The following FTSJ3 variants were observed in gnomAD, a reference collection of about 807,000 sequenced individuals.
The protein encoded by FTSJ3 is pre-rRNA 2'-O-ribose RNA methyltransferase FTSJ3.
A neutral mutation model predicts 111.5 loss-of-function variants in FTSJ3; 46 were observed. That is an observed-to-expected ratio of 0.41 (90% CI 0.33 to 0.53). FTSJ3 has a LOEUF of 0.53. Ranked by LOEUF, FTSJ3 falls within the 20% of genes least tolerant of loss-of-function variation. The pLI, the probability that FTSJ3 is intolerant of heterozygous loss-of-function variation, is 0.19. For missense variants in FTSJ3, 1,075 were observed against 1,063.8 expected (o/e 1.01, Z -0.15); for synonymous variants, 408 against 383.0 (o/e 1.07, Z -0.76).
chr17:63,827,465 C>G lies in FTSJ3; in HGVS notation c.-440G>C. On this transcript the variant is annotated 5_prime_UTR_variant, in exon 1 of 21. Coordinates refer to ENST00000427159, the MANE Select transcript of FTSJ3 (RefSeq NM_017647.4). ...CTTGCGCGCCAAGACGGCTCGGATG[C>G]CGGCGGTCTCTGCTGAAGAGAGAAG... 1 of 1,551,744 alleles carries G rather than the reference C, an allele frequency of 6.4e-7. No individual in the cohort carries two copies. Among genetic ancestry groups the G allele is most frequent in the East Asian group, 2.4e-5 (1 of 40,918 alleles).
In FTSJ3 at chr17:63,826,641, G is replaced by C. The variant is rs761636452; in HGVS notation, c.99C>G (p.Ile33Met). The C allele has an allele frequency of 1.2e-6, 2 of 1,613,976 alleles. No individual in the cohort carries two copies. Among genetic ancestry groups the C allele is most frequent in the East Asian group, 2.2e-5 (1 of 44,906 alleles). Residue 33 changes from isoleucine (I) to methionine (M), a missense_variant, in exon 3 of 21, where the codon ATC becomes ATG. By Grantham distance (10) the Ile-to-Met change is conservative. Coordinates refer to ENST00000427159, the MANE Select transcript of FTSJ3 (RefSeq NM_017647.4). ...GGAACTGAAAGCGGCGATTGAGCTG[G>C]ATCAGCTTGAAAGCAGATCGGGAAC... ...GYRSRSAFKL[I>M]QLNRRFQFLQ...
chr17:63,824,305 C>T (rs1404266994), intron 11 of FTSJ3, 26 bp downstream of exon 11: 1 of 1,614,130 alleles, frequency 6.2e-7, no homozygotes, highest in Non-Finnish European at 8.5e-7. Context: ...CCAGTCCACA[C>T]CTGCCTCGCT....
Position 63,827,455 on chromosome 17 carries a change from G to C in FTSJ3, c.-430C>G, listed in dbSNP as rs1002537783. 4.5e-6 allele frequency: 7 copies of C among 1,551,634 alleles called. No homozygotes were observed. The highest frequency in any genetic ancestry group is 6.1e-6 in the Non-Finnish European group (7 of 1,147,014). On this transcript the variant is annotated 5_prime_UTR_variant, in exon 1 of 21. Transcript: ENST00000427159. ...CGCTTCCGCGCTTGCGCGCCAAGAC[G>C]GCTCGGATGCCGGCGGTCTCTGCTG...
intron 2 of FTSJ3, 50 bp downstream of exon 2, chr17:63,826,786 C>A: frequency 6.3e-7 from 1 of 1,595,912 alleles, no homozygotes; most frequent in South Asian, 1.1e-5. Flanking sequence ...AGCAGGCGAA[C>A]CGGGCAGAGA....
At position 63,824,144 on chromosome 17, in the gene FTSJ3, T is replaced by C. The variant is rs1226772416; in HGVS notation, c.1094A>G (p.Glu365Gly). Residue 365 changes from glutamate to glycine, a missense_variant, in exon 12 of 21, where the codon GAG becomes GGG. Glu to Gly is a moderately conservative substitution (Grantham distance 98, BLOSUM62 -2). Transcript: ENST00000427159. ...PSKEEEEEEE[E>G]EQLNQTLAEM... ...TGCCAAGGTCTGGTTCAGTTGTTCC[T>C]CCTCCTCCTCTTCCTCCTCCTCCTT... The C allele has an allele frequency of 6.2e-7, 1 of 1,613,862 alleles. No individual in the cohort carries two copies. The highest frequency in any genetic ancestry group is 8.5e-7 in the Non-Finnish European group (1 of 1,179,930).
intron 13 of FTSJ3, among the ~76,000 whole-genome samples, chr17:63,823,333 C>A (rs909997898): frequency 1.3e-5 from 2 of 152,208 alleles, no homozygotes; most frequent in East Asian, 1.9e-4. Context: ...CGGTGGCTCA[C>A]GCCTGTAATC....
rs1221743172 is a variant in FTSJ3 at position 63,827,503 on chromosome 17, G to T, written c.-478C>A. ...CTGAAGAGAGAAGATGGCGCTTGAC[G>T]GACCAGAGCAGGTATGGCGGGTGCA... On this transcript the variant is annotated 5_prime_UTR_variant, in exon 1 of 21. Coordinates refer to ENST00000427159, the MANE Select transcript of FTSJ3 (RefSeq NM_017647.4). The T allele has an allele frequency of 6.4e-7, 1 of 1,551,770 alleles. No homozygotes were observed. The highest frequency in any genetic ancestry group is 2.0e-5 in the Admixed American group (1 of 51,018).
Position 63,819,598 on chromosome 17 carries a change from T to C in FTSJ3, c.*204A>G. ...AGTGTCAACACAGTTCAGCAGTGTT[T>C]TCATGGGAGACCTTCAGGCAGGCAG... On this transcript the variant is annotated 3_prime_UTR_variant, in exon 21 of 21. Transcript: ENST00000427159. 1.7e-6 allele frequency: 1 copy of C among 577,876 alleles called. No homozygotes were observed. The highest frequency in any genetic ancestry group is 3.1e-5 in the Admixed American group (1 of 32,542). The allele number at this position is 577,876 out of a possible 1,614,324, so 35.8% of individuals were successfully genotyped here.
At chr17:63,821,196 T>C in intron 16 of FTSJ3, 81 bp from the exon 17 acceptor site, 1 of 1,553,242 alleles carries the variant, frequency 6.4e-7, no homozygotes, top group Non-Finnish European at 8.9e-7. Context: ...GCAAAAATCC[T>C]GCCATGCAGG....
chr17:63,823,685 G>A (rs2040070796), intron 13 of FTSJ3, 132 bp downstream of exon 13: 3 of 950,178 alleles, frequency 3.2e-6, no homozygotes, highest in Non-Finnish European at 1.6e-6. Flanking sequence ...TACTCACCAA[G>A]GCACCCTGTG....
intron 8 of FTSJ3, 38 bp from the exon 9 acceptor site, chr17:63,824,967 C>A (rs193061939): frequency 1.3e-6 from 2 of 1,577,130 alleles, no homozygotes; most frequent in African/African-American, 2.7e-5. Context: ...TCAGGCCCTT[C>A]TAAGGTACCT....
Position 63,819,557 on chromosome 17 carries a change from T to C in FTSJ3, c.*245A>G, listed in dbSNP as rs2040025768. The C allele has an allele frequency of 4.3e-6, 2 of 466,576 alleles. No homozygotes were observed. Among genetic ancestry groups the C allele is most frequent in the Non-Finnish European group, 3.8e-6 (1 of 263,064 alleles). The allele number at this position is 466,576 out of a possible 1,614,324, so 28.9% of individuals were successfully genotyped here. A position where few individuals can be genotyped will look rare whatever the true frequency, so the allele number is the denominator to read the frequency against. ...AACACCGAACTTCCCTTTAACGGTT[T>C]AAAAAAAGGGTCATGAGTGTCAACA... On this transcript the variant is annotated 3_prime_UTR_variant, in exon 21 of 21. Coordinates refer to ENST00000427159, the MANE Select transcript of FTSJ3 (RefSeq NM_017647.4).
chr17:63,820,102 T>C lies in FTSJ3; in HGVS notation c.2328A>G (p.Arg776=), dbSNP rs190641756. 6.2e-7 allele frequency: 1 copy of C among 1,614,034 alleles called. No individual in the cohort carries two copies. The highest frequency in any genetic ancestry group is 8.5e-7 in the Non-Finnish European group (1 of 1,180,044). Residue 776 remains arginine (R), a synonymous_variant, in exon 20 of 21, where the codon CGA becomes CGG. Transcript: ENST00000427159. ...AVVNTVDISE[R]EKVAQLRSLY... ...ACCTTCGCAGCTGTGCCACTTTCTC[T>C]CGTTCTGAGATGTCCACTGTGTTCA... is the stretch of plus-strand genomic sequence containing the variant.
intron 5 of FTSJ3, 58 bp downstream of exon 5, chr17:63,825,998 T>C: frequency 3.5e-6 from 5 of 1,417,842 alleles, no homozygotes; most frequent in Non-Finnish European, 4.9e-6. Context: ...CTTTAGAGGA[T>C]TTCAGGGATG....
Position 63,821,422 on chromosome 17 carries a change from G to C in FTSJ3, c.1818C>G (p.Gly606=), listed in dbSNP as rs115159440. ...EASSGTEAAT[G]LEGEEKDGIS... The stretch of plus-strand genomic sequence containing the variant: ...TGCCATCCTTTTCTTCCCCTTCAAG[G>C]CCAGTGGCAGCTTCTGTCCCCGAAG... Residue 606 remains glycine (G), a synonymous_variant, in exon 16 of 21, where the codon GGC becomes GGG. Coordinates refer to ENST00000427159, the MANE Select transcript of FTSJ3 (RefSeq NM_017647.4). 1.1e-5 allele frequency: 17 copies of C among 1,614,084 alleles called. No homozygotes were observed. Among genetic ancestry groups the C allele is most frequent in the Non-Finnish European group, 1.4e-5 (17 of 1,180,022 alleles).
At position 63,823,920 on chromosome 17, in the gene FTSJ3, T is replaced by C; in HGVS notation, c.1187A>G (p.Lys396Arg). Residue 396 changes from lysine to arginine, a missense_variant, in exon 13 of 21, where the codon AAG becomes AGG. By Grantham distance (26) the Lys-to-Arg change is conservative (BLOSUM62 2). This residue lies in a region of FTSJ3 where 867 missense variants were observed against 796.9 expected (regional missense o/e 1.09). Coordinates refer to ENST00000427159, the MANE Select transcript of FTSJ3 (RefSeq NM_017647.4). ...CTTCAGCTCCACACGCTCCCGCTGC[T>C]TTCTCTGCTCACGCAACAGCTTCTT... ...KKKKLLREQR[K>R]QRERVELKMD... 6.2e-7 allele frequency: 1 copy of C among 1,614,214 alleles called. No individual in the cohort carries two copies. Among genetic ancestry groups the C allele is most frequent in the Non-Finnish European group, 8.5e-7 (1 of 1,180,038 alleles).
rs914552612 is a variant in FTSJ3, at chr17:63,826,454, G to GC, written c.173+112dup. 5.0e-5 allele frequency: 59 copies of GC among 1,168,560 alleles called. No individual in the cohort carries two copies. In the African/African-American group the frequency reaches 7.0e-4, roughly 14 times the overall value. 72.4% of individuals were successfully genotyped at this position (1,168,560 alleles called of 1,614,324 possible). The stretch of plus-strand genomic sequence containing the variant: ...TTCTCTGCAATCAAGAAAGGAAACG[G>GC]CCCCCAAGAGGACCGGGATTCGGGT... On this transcript the variant is annotated intron_variant, in intron 3 of 20. Coordinates refer to ENST00000427159, the MANE Select transcript of FTSJ3 (RefSeq NM_017647.4).
Position 63,824,687 on chromosome 17 carries a change from G to A in FTSJ3, c.867C>T (p.Asp289=). The A allele has an allele frequency of 6.2e-7, 1 of 1,614,172 alleles. No homozygotes were observed. The highest frequency in any genetic ancestry group is 8.5e-7 in the Non-Finnish European group (1 of 1,180,006). The change falls in exon 10 of 21, where the codon GAC becomes GAT. Residue 289 remains aspartate, a synonymous_variant. Coordinates refer to ENST00000427159, the MANE Select transcript of FTSJ3 (RefSeq NM_017647.4). The part of the protein sequence containing the change: ...ELAQHPATTE[D]IRVCCQDIRV... ...TGATGTCCTGACAGCACACCCGTAT[G>A]TCCTCAGTGGTAGCTGGATGCTGTG...
At chr17:63,825,750 C>A in intron 5 of FTSJ3, 115 bp from the exon 6 acceptor site, 1 of 833,758 alleles carries the variant, frequency 1.2e-6, no homozygotes, top group Non-Finnish European at 2.0e-6. Context: ...CAGTACCAGG[C>A]ACAGGAGATA....
Sources: allele counts gnomAD v4.1 joint callset (sites outside exome capture counted in the v4.1 genomes callset), GRCh38; gene constraint gnomAD v4.1.1; regional missense constraint gnomAD v4.1.1; transcripts MANE v1.5; gene names NCBI Gene and HGNC (gene_info 2026-07-23, HGNC 2026-07-21).